PCDH9: variants seen among roughly 807,000 people sequenced by gnomAD.
PCDH9 encodes the protein protocadherin-9.
In PCDH9, 24 loss-of-function variants were observed where a neutral mutation model predicts 70.6. The ratio of observed to expected loss-of-function variants is 0.34; its 90% CI spans 0.25 to 0.48. The LOEUF (loss-of-function observed/expected upper bound fraction) is 0.48, where lower values mean the gene tolerates loss of function less well. PCDH9 is among the 20% of genes least tolerant of loss of function. The pLI is 0.99. For synonymous variants in PCDH9, 562 were observed against 558.5 expected (o/e 1.01, Z -0.09); for missense variants, 1,281 against 1,503.6 (o/e 0.85, Z 2.45).
chr13:66,626,658 A>G (rs967742694), intron 4 of PCDH9, among the ~76,000 whole-genome samples: 1 of 152,210 alleles, frequency 6.6e-6, no homozygotes, highest in Non-Finnish European at 1.5e-5. Flanking sequence ...AAATGGAAGA[A>G]AAAAAAGAAA....
chr13:67,215,538 T>C (rs1023384563), intron 2 of PCDH9: 1 of 152,068 alleles, frequency 6.6e-6, no homozygotes, highest in Non-Finnish European at 1.5e-5. Context: ...GGCTTGGAAG[T>C]GAAGGAATTT....
chr13:66,830,536 A>G (rs886431955), intron 3 of PCDH9, among the ~76,000 whole-genome samples: 2 of 152,212 alleles, frequency 1.3e-5, no homozygotes, highest in East Asian at 3.8e-4. Context: ...AAAAGTATCA[A>G]TTATATTTAC....
chr13:66,455,836 G>A (rs1164940276), intron 4 of PCDH9, among the ~76,000 whole-genome samples: 1 of 151,856 alleles, frequency 6.6e-6, no homozygotes, highest in Non-Finnish European at 1.5e-5. Context: ...GTGTATTGTA[G>A]TAAATTTTAT....
chr13:66,473,647 T>A (rs1159077970), intron 4 of PCDH9, among the ~76,000 whole-genome samples: 9 of 152,184 alleles, frequency 5.9e-5, no homozygotes, highest in African/African-American at 2.2e-4. Context: ...TTTGTATGTG[T>A]CATTAGCAAT....
intron 4 of PCDH9, among the ~76,000 whole-genome samples, chr13:66,452,946 C>G (rs1284363413): frequency 6.6e-6 from 1 of 152,056 alleles, no homozygotes; most frequent in East Asian, 1.9e-4. Flanking sequence ...ATCCATCCAT[C>G]CATCCATCCA....
At chr13:67,130,908 G>T (rs1350075311) in intron 2 of PCDH9, among the ~76,000 whole-genome samples, 1 of 152,086 alleles carries the variant, frequency 6.6e-6, no homozygotes, top group East Asian at 1.9e-4. Context: ...CTCTTTCTGT[G>T]TGTGTGTCTT....
intron 4 of PCDH9, among the ~76,000 whole-genome samples, chr13:66,567,997 G>T (rs2076677167): frequency 6.6e-6 from 1 of 152,090 alleles, no homozygotes; most frequent in African/African-American, 2.4e-5. Flanking sequence ...CCTACTGTGT[G>T]TTTGTTATTA....
chr13:66,639,315 A>T (rs1320339882), intron 3 of PCDH9, among the ~76,000 whole-genome samples: 2 of 152,192 alleles, frequency 1.3e-5, no homozygotes, highest in African/African-American at 4.8e-5. Context: ...ACATGGACTT[A>T]AACTTGGCCT....
chr13:66,620,565 A>G (rs1206019733), intron 4 of PCDH9, among the ~76,000 whole-genome samples: 1 of 152,136 alleles, frequency 6.6e-6, no homozygotes, highest in Non-Finnish European at 1.5e-5. Flanking sequence ...TATCTATAGA[A>G]TCTTTATTGA....
chr13:66,798,690 C>G (rs779318148), intron 3 of PCDH9, among the ~76,000 whole-genome samples: 1 of 152,114 alleles, frequency 6.6e-6, no homozygotes, highest in South Asian at 2.1e-4. Flanking sequence ...TCATCTTAGA[C>G]CCACAATATT....
rs532227263 is a variant in PCDH9 at position 66,801,395 on chromosome 13, C to T, written c.3138+102109G>A. ...ATTGCCAAGGTCAGAGAATCAAATG[C>T]TCATTGAGACTGATTAATAAAATTA... On this transcript the variant is annotated intron_variant, in intron 3 of 4. Transcript: ENST00000377865. Among the ~76,000 whole-genome samples the T allele has an allele frequency of 7.9e-5, 12 of 152,170 alleles. No individual in the cohort carries two copies. The South Asian group carries it at 2.3e-3, about 29-fold the overall frequency.
At chr13:66,535,131 A>T (rs1960642087) in intron 4 of PCDH9, among the ~76,000 whole-genome samples, 1 of 152,096 alleles carries the variant, frequency 6.6e-6, no homozygotes, top group Non-Finnish European at 1.5e-5. Flanking sequence ...ATTAATAAAA[A>T]TGATAATAAT....
At chr13:67,097,867 C>A (rs951439497) in intron 2 of PCDH9, among the ~76,000 whole-genome samples, 1 of 152,052 alleles carries the variant, frequency 6.6e-6, no homozygotes, top group African/African-American at 2.4e-5. Context: ...CATATAAATA[C>A]GCTAAGTGTT....
intron 2 of PCDH9, among the ~76,000 whole-genome samples, chr13:67,177,952 C>A (rs1474284325): frequency 6.6e-6 from 1 of 152,082 alleles, no homozygotes; most frequent in African/African-American, 2.4e-5. Context: ...TAAGATCAAT[C>A]TTCTGTGTAT....
intron 4 of PCDH9, among the ~76,000 whole-genome samples, chr13:66,393,068 G>T (rs184756226): frequency 3.0e-4 from 45 of 152,162 alleles, no homozygotes; most frequent in African/African-American, 1.0e-3. Flanking sequence ...CACCTGACTT[G>T]TGTGACCTTG....
chr13:66,450,933 C>T (rs540343344), intron 4 of PCDH9, among the ~76,000 whole-genome samples: 12 of 152,228 alleles, frequency 7.9e-5, no homozygotes, highest in Non-Finnish European at 1.5e-4. Context: ...AGGAGAATGG[C>T]GTGAACCCAG....
chr13:67,069,829 T>A (rs906578505), intron 2 of PCDH9, among the ~76,000 whole-genome samples: 8 of 152,196 alleles, frequency 5.3e-5, no homozygotes, highest in Non-Finnish European at 1.0e-4. Flanking sequence ...CTAATTGCTC[T>A]GCTTCTCATA....
At chr13:66,730,827 T>C (rs1228409641) in intron 3 of PCDH9, among the ~76,000 whole-genome samples, 1 of 150,924 alleles carries the variant, frequency 6.6e-6, no homozygotes, top group East Asian at 1.9e-4. Context: ...TAAAGGAACT[T>C]GCTATCATGC....
chr13:66,412,916 A>G (rs1957395436), intron 4 of PCDH9, among the ~76,000 whole-genome samples: 1 of 152,236 alleles, frequency 6.6e-6, no homozygotes, highest in Non-Finnish European at 1.5e-5. Flanking sequence ...TGTGCTAAAC[A>G]AGCACACACA....
Sources: allele counts gnomAD v4.1 joint callset (sites outside exome capture counted in the v4.1 genomes callset), GRCh38; gene constraint gnomAD v4.1.1; transcripts MANE v1.5; gene names NCBI Gene and HGNC (gene_info 2026-07-23, HGNC 2026-07-21).